The following KIF6 variants were observed in gnomAD, a reference collection of about 807,000 sequenced individuals.
KIF6 encodes kinesin family member 6.
KIF6 carries 106 observed loss-of-function variants against 112.7 expected under a neutral mutation model. That is an observed-to-expected ratio of 0.94 (90% CI 0.80 to 1.11). The LOEUF (loss-of-function observed/expected upper bound fraction) is 1.11, where lower values mean the gene tolerates loss of function less well. KIF6 is among the 50% of genes least tolerant of loss of function. KIF6 has a pLI of 0.00. For synonymous variants in KIF6, 339 were observed against 339.9 expected (o/e 1.00, Z 0.03); for missense variants, 929 against 964.0 (o/e 0.96, Z 0.48).
chr6:39,416,953 T>G lies in KIF6; in HGVS notation c.1810+2995A>C, dbSNP rs560412841. Among the ~76,000 whole-genome samples, 3 of 152,180 alleles carry G rather than the reference T, an allele frequency of 2.0e-5. No homozygotes were observed. In the East Asian group the frequency reaches 5.8e-4, roughly 29 times the overall value. The stretch of plus-strand genomic sequence containing the variant: ...GGCAGGATGTAGCCCAGTTTGGGAG[T>G]GGAGCTGAGGCACCATCCCGTGCAG... On this transcript the variant is annotated intron_variant, in intron 15 of 22. Transcript: ENST00000287152.
intron 15 of KIF6, among the ~76,000 whole-genome samples, chr6:39,411,888 G>A (rs912010522): frequency 6.6e-6 from 1 of 152,206 alleles, no homozygotes; most frequent in Admixed American, 6.5e-5. Flanking sequence ...GATAGAGGTG[G>A]TTTAAGAGTT....
chr6:39,345,330 G>A lies in KIF6; in HGVS notation c.2321+370C>T, dbSNP rs371418791. On this transcript the variant is annotated intron_variant, in intron 21 of 22. Coordinates refer to ENST00000287152, the MANE Select transcript of KIF6 (RefSeq NM_145027.6). ...ATGCCCATGGTGCTGATCAACTCTG[G>A]TAAGCCTGGAAGCAAATGCTGCTGG... is the stretch of plus-strand genomic sequence containing the variant. 1.5e-3 allele frequency among the ~76,000 whole-genome samples: 234 copies of A among 152,336 alleles called. No homozygotes were observed. In the Middle Eastern group the frequency reaches 0.017, roughly 11 times the overall value.
At chr6:39,419,835 C>G in intron 15 of KIF6, 113 bp downstream of exon 15, 1 of 887,910 alleles carries the variant, frequency 1.1e-6, no homozygotes, top group Non-Finnish European at 1.9e-6. Flanking sequence ...TTGGCAGGGG[C>G]TCTCCTGAAA....
chr6:39,686,325 A>G (rs1038094247), intron 3 of KIF6, among the ~76,000 whole-genome samples: 8 of 152,208 alleles, frequency 5.3e-5, no homozygotes, highest in Non-Finnish European at 7.3e-5. Flanking sequence ...TTTTATTTTA[A>G]CAAACCTTTG....
intron 8 of KIF6, 88 bp from the exon 9 acceptor site, chr6:39,585,072 A>C: frequency 1.3e-6 from 1 of 777,642 alleles, no homozygotes; most frequent in Non-Finnish European, 2.2e-6. Flanking sequence ...CACAGAAAAA[A>C]GATACACACC....
At chr6:39,576,981 T>C (rs1175651883) in intron 10 of KIF6, among the ~76,000 whole-genome samples, 2 of 152,240 alleles carry the variant, frequency 1.3e-5, no homozygotes, top group East Asian at 1.9e-4. Context: ...ATAGTGAAGA[T>C]AGTTTGAGGT....
Position 39,466,626 on chromosome 6 carries a change from T to C in KIF6, c.1646-35465A>G, listed in dbSNP as rs189118256. On this transcript the variant is annotated intron_variant, in intron 13 of 22. Coordinates refer to ENST00000287152, the MANE Select transcript of KIF6 (RefSeq NM_145027.6). ...TGATGGAAGCTCTACTCTGGATGACTGTAAATTAGAACATGAAGCTTCCAC... is the reference window on the plus strand; with the variant it reads ...TGATGGAAGCTCTACTCTGGATGACCGTAAATTAGAACATGAAGCTTCCAC... Among the ~76,000 whole-genome samples, 47 of 151,866 alleles carry C rather than the reference T, an allele frequency of 3.1e-4. No homozygotes were observed. In the South Asian group the frequency reaches 3.1e-3, roughly 10 times the overall value.
chr6:39,541,873 G>A (rs558010566), intron 12 of KIF6, among the ~76,000 whole-genome samples: 24 of 152,302 alleles, frequency 1.6e-4, no homozygotes, highest in African/African-American at 5.3e-4. Flanking sequence ...AACAGGCCCG[G>A]AAGTGGCTCC....
chr6:39,609,139 T>C (rs1279516931), intron 6 of KIF6, among the ~76,000 whole-genome samples: 1 of 152,160 alleles, frequency 6.6e-6, no homozygotes, highest in Non-Finnish European at 1.5e-5. Context: ...CCAAAGCTCA[T>C]GCTCTTCAGC....
At chr6:39,722,569 A>G (rs1790279999) in intron 1 of KIF6, among the ~76,000 whole-genome samples, 1 of 152,228 alleles carries the variant, frequency 6.6e-6, no homozygotes, top group African/African-American at 2.4e-5. Flanking sequence ...TGTTATTACA[A>G]TTTACTTTAT....
chr6:39,687,926 C>T (rs1787969410), intron 3 of KIF6, among the ~76,000 whole-genome samples: 1 of 152,122 alleles, frequency 6.6e-6, no homozygotes, highest in Admixed American at 6.5e-5. Context: ...TGGCATACTC[C>T]ATTCATAGAG....
chr6:39,386,780 GT>G (rs1288531217), intron 15 of KIF6, among the ~76,000 whole-genome samples: 1 of 152,156 alleles, frequency 6.6e-6, no homozygotes, highest in African/African-American at 2.4e-5. Flanking sequence ...GCAGCCCGGA[GT>G]TTGTTTATGT....
intron 3 of KIF6, among the ~76,000 whole-genome samples, chr6:39,685,913 A>C (rs1787837242): frequency 6.6e-6 from 1 of 152,204 alleles, no homozygotes. Flanking sequence ...TTTGTAGCAA[A>C]TTAAACTCAC....
At chr6:39,701,306 C>A (rs1205723658) in intron 3 of KIF6, among the ~76,000 whole-genome samples, 1 of 152,234 alleles carries the variant, frequency 6.6e-6, no homozygotes, top group Admixed American at 6.5e-5. Context: ...GGCCACACTG[C>A]CACTTCTGCT....
intron 19 of KIF6, among the ~76,000 whole-genome samples, chr6:39,349,991 A>G (rs1764116995): frequency 6.6e-6 from 1 of 152,222 alleles, no homozygotes; most frequent in African/African-American, 2.4e-5. Flanking sequence ...AAAGCATCTC[A>G]TTCCCTTTCG....
chr6:39,441,410 A>G (rs564335228), intron 13 of KIF6, among the ~76,000 whole-genome samples: 1 of 152,268 alleles, frequency 6.6e-6, no homozygotes, highest in African/African-American at 2.4e-5. Context: ...TCGCTTTAGG[A>G]ACTACTGTGC....
Position 39,358,014 on chromosome 6 carries a change from G to C in KIF6, c.2083-640C>G, listed in dbSNP as rs147962795. Among the ~76,000 whole-genome samples the C allele has an allele frequency of 3.4e-4, 52 of 152,284 alleles. 1 individual carries two copies. In the East Asian group the frequency reaches 9.8e-3, roughly 29 times the overall value. On this transcript the variant is annotated intron_variant, in intron 18 of 22. Coordinates refer to ENST00000287152, the MANE Select transcript of KIF6 (RefSeq NM_145027.6). ...TCTTCATTCTTCAAAAATACTTTCT[G>C]GTTTTGCTTCTCCTTGTCCCAAAGA...
At chr6:39,339,715 G>A (rs1470534892) in intron 22 of KIF6, among the ~76,000 whole-genome samples, 2 of 151,672 alleles carry the variant, frequency 1.3e-5, no homozygotes, top group African/African-American at 2.4e-5. Context: ...TTGACTCCAC[G>A]GATGACTGAT....
At chr6:39,480,701 T>G (rs1321552352) in intron 13 of KIF6, among the ~76,000 whole-genome samples, 1 of 152,156 alleles carries the variant, frequency 6.6e-6, no homozygotes, top group African/African-American at 2.4e-5. Flanking sequence ...TTTGTTGTGT[T>G]GGTAATTTTT....
Sources: allele counts gnomAD v4.1 joint callset (sites outside exome capture counted in the v4.1 genomes callset), GRCh38; gene constraint gnomAD v4.1.1; transcripts MANE v1.5; gene names NCBI Gene and HGNC (gene_info 2026-07-23, HGNC 2026-07-21).